Variants in KIF18A observed in about 807,000 individuals in gnomAD.
The protein encoded by KIF18A is kinesin-like protein KIF18A.
Under a neutral mutation model 103.3 loss-of-function variants are expected in KIF18A, and 67 were observed. That is an observed-to-expected ratio of 0.65 (90% CI 0.53 to 0.79). KIF18A has a LOEUF of 0.79. KIF18A is among the 30% of genes least tolerant of loss of function. The pLI, the probability that KIF18A is intolerant of heterozygous loss-of-function variation, is 0.00. For missense variants in KIF18A, 1,032 were observed against 1,062.5 expected, an observed-to-expected ratio of 0.97 and a Z score of 0.40; for synonymous variants, 367 against 355.5, an observed-to-expected ratio of 1.03 and a Z score of -0.36.
At chr11:28,030,904 T>G (rs2133489289) in intron 15 of KIF18A, among the ~76,000 whole-genome samples, 1 of 151,174 alleles carries the variant, frequency 6.6e-6, no homozygotes, top group East Asian at 1.9e-4. Context: ...AAGAAGACAT[T>G]TATGCAGCCA....
chr11:28,072,352 A>C (rs546348947), intron 10 of KIF18A, among the ~76,000 whole-genome samples: 47 of 152,278 alleles, frequency 3.1e-4, no homozygotes, highest in Non-Finnish European at 4.7e-4. Context: ...TGGGGTCATG[A>C]AATTACCCAG....
intron 15 of KIF18A, among the ~76,000 whole-genome samples, chr11:28,027,370 C>G (rs1055595074): frequency 1.3e-5 from 2 of 151,706 alleles, no homozygotes; most frequent in Admixed American, 6.6e-5. Context: ...AGTTGTTTTA[C>G]TACTATATAC....
chr11:28,041,472 T>C (rs1004968472), intron 13 of KIF18A, among the ~76,000 whole-genome samples: 1 of 151,758 alleles, frequency 6.6e-6, no homozygotes, highest in Admixed American at 6.6e-5. Context: ...TTGATTGAAG[T>C]GCTGTGAGTT....
intron 15 of KIF18A, among the ~76,000 whole-genome samples, chr11:28,029,304 A>G (rs1319419720): frequency 5.9e-5 from 9 of 152,210 alleles, no homozygotes; most frequent in Non-Finnish European, 1.2e-4. Context: ...AGCCCAATCC[A>G]GCAGCACATC....
chr11:28,025,805 A>G (rs1434548771), intron 15 of KIF18A, among the ~76,000 whole-genome samples: 1 of 152,080 alleles, frequency 6.6e-6, no homozygotes, highest in Non-Finnish European at 1.5e-5. Flanking sequence ...ACATATTCCC[A>G]TAACTATAAA....
At chr11:28,030,230 C>T (rs1242202818) in intron 15 of KIF18A, among the ~76,000 whole-genome samples, 2 of 149,128 alleles carry the variant, frequency 1.3e-5, no homozygotes, top group Non-Finnish European at 3.0e-5. Flanking sequence ...CAAGACAATC[C>T]TAAGGCAAAA....
intron 13 of KIF18A, among the ~76,000 whole-genome samples, chr11:28,056,400 A>G (rs1427565584): frequency 2.0e-5 from 3 of 152,144 alleles, no homozygotes; most frequent in Admixed American, 6.5e-5. Flanking sequence ...AGAATGTGAG[A>G]AACAAAATTA....
chr11:28,028,981 C>A (rs988019938), intron 15 of KIF18A, among the ~76,000 whole-genome samples: 28 of 151,964 alleles, frequency 1.8e-4, no homozygotes, highest in South Asian at 8.3e-4. Flanking sequence ...TAAACCAGGA[C>A]GAAGTTGAAT....
chr11:28,097,565 G>A (rs112508242), intron 2 of KIF18A, 58 bp downstream of exon 2: 18 of 1,095,508 alleles, frequency 1.6e-5, no homozygotes, highest in Admixed American at 5.1e-5. Context: ...GTAGATGTCC[G>A]TCCTAATGCA....
chr11:28,086,008 T>G lies in KIF18A; in HGVS notation c.898-1200A>C, dbSNP rs530819669. The stretch of plus-strand genomic sequence containing the variant: ...CATCTGAGTAAGTATGAACTTTAGT[T>G]CAAAATAAAATAATACATTAATATT... On this transcript the variant is annotated intron_variant, in intron 6 of 16. Transcript: ENST00000263181. Among the ~76,000 whole-genome samples the G allele has an allele frequency of 4.6e-5, 7 of 152,240 alleles. No homozygotes were observed. In the South Asian group the frequency reaches 1.2e-3, roughly 27 times the overall value.
intron 14 of KIF18A, 130 bp downstream of exon 14, chr11:28,036,087 A>T: frequency 3.4e-6 from 2 of 591,500 alleles, no homozygotes; most frequent in Non-Finnish European, 5.8e-6. Flanking sequence ...AAAGATAATT[A>T]AAATTTAATG....
At chr11:28,029,298 C>G (rs1850363892) in intron 15 of KIF18A, among the ~76,000 whole-genome samples, 1 of 151,938 alleles carries the variant, frequency 6.6e-6, no homozygotes, top group South Asian at 2.1e-4. Context: ...CTGGCAAGCC[C>G]AATCCAGCAG....
In KIF18A at chr11:28,040,811, C is replaced by T. The variant is rs755627022; in HGVS notation, c.1949-4147G>A. 3.3e-5 allele frequency among the ~76,000 whole-genome samples: 5 copies of T among 151,830 alleles called. No homozygotes were observed. In the South Asian group the frequency reaches 8.3e-4, roughly 25 times the overall value. On this transcript the variant is annotated intron_variant, in intron 13 of 16. Transcript: ENST00000263181. The stretch of plus-strand genomic sequence containing the variant: ...TTTCTGAGTAATTTTGCTATTTCCA[C>T]AACATCTCTTGAGACTTTAACTCCT...
At chr11:28,102,388 TC>T (rs1420912228) in intron 1 of KIF18A, among the ~76,000 whole-genome samples, 1 of 152,178 alleles carries the variant, frequency 6.6e-6, no homozygotes, top group Non-Finnish European at 1.5e-5. Context: ...CTTTGAGTTG[TC>T]CCGCCTTTCT....
At position 28,058,911 on chromosome 11, in the gene KIF18A, G is replaced by A. The variant is rs778485665; in HGVS notation, c.1948+15C>T. 5.0e-6 allele frequency: 8 copies of A among 1,597,670 alleles called. No homozygotes were observed. The African/African-American group carries it at 8.1e-5, about 16-fold the overall frequency. ...AATAATGTTACTATTTACTTAAAAC[G>A]AAAGTTATACTTACAACAAGGAATA... On this transcript the variant is annotated intron_variant, in intron 13 of 16. Transcript: ENST00000263181.
chr11:28,058,252 A>G (rs1850807361), intron 13 of KIF18A, among the ~76,000 whole-genome samples: 2 of 152,072 alleles, frequency 1.3e-5, no homozygotes, highest in South Asian at 4.1e-4. Flanking sequence ...AGTTGATCTT[A>G]AGAACAGATT....
chr11:28,033,738 T>A (rs1056394011), intron 15 of KIF18A, among the ~76,000 whole-genome samples: 1 of 151,438 alleles, frequency 6.6e-6, no homozygotes, highest in Non-Finnish European at 1.5e-5. Context: ...TTGGGGAGGA[T>A]GGTTAATGGG....
intron 5 of KIF18A, among the ~76,000 whole-genome samples, chr11:28,090,080 A>G (rs1472720994): frequency 6.6e-6 from 1 of 152,228 alleles, no homozygotes; most frequent in Non-Finnish European, 1.5e-5. Flanking sequence ...TACTAAAAGA[A>G]GCTTTATATT....
intron 13 of KIF18A, among the ~76,000 whole-genome samples, chr11:28,042,322 ATC>A (rs1850570881): frequency 1.3e-5 from 2 of 151,962 alleles, no homozygotes; most frequent in South Asian, 4.2e-4. Context: ...TAAAAACAGC[ATC>A]TCTTTTTAGG....
Sources: allele counts gnomAD v4.1 joint callset (sites outside exome capture counted in the v4.1 genomes callset), GRCh38; gene constraint gnomAD v4.1.1; transcripts MANE v1.5; gene names NCBI Gene and HGNC (gene_info 2026-07-23, HGNC 2026-07-21).